CSMD1: variants seen among roughly 807,000 people sequenced by gnomAD.
CSMD1 encodes the protein CUB and Sushi multiple domains 1, also known as CUB and sushi domain-containing protein 1.
CSMD1 carries 213 observed loss-of-function variants against 417.5 expected under a neutral mutation model. The ratio of observed to expected loss-of-function variants is 0.51; its 90% confidence interval spans 0.46 to 0.57. The LOEUF (loss-of-function observed/expected upper bound fraction) is 0.57, where lower values mean the gene tolerates loss of function less well. Among genes scored for constraint, CSMD1 ranks in the 20% least tolerant of loss-of-function variants. The pLI is 0.00. For missense variants in CSMD1, 6,923 were observed against 4,529.7 expected (o/e 1.53, Z -15.17); for synonymous variants, 2,862 against 1,736.8 (o/e 1.65, Z -16.11).
intron 2 of CSMD1, among the ~76,000 whole-genome samples, chr8:4,569,243 C>T (rs1364434615): frequency 6.6e-6 from 1 of 152,114 alleles, no homozygotes; most frequent in Non-Finnish European, 1.5e-5. Context: ...AATGGTATTG[C>T]CTAGGTTTTC....
chr8:4,710,617 G>A (rs567282289), intron 1 of CSMD1, among the ~76,000 whole-genome samples: 2 of 151,406 alleles, frequency 1.3e-5, no homozygotes, highest in Non-Finnish European at 2.9e-5. Context: ...AGACTCAGAT[G>A]GGTGGATCAC....
intron 68 of CSMD1, among the ~76,000 whole-genome samples, chr8:2,949,009 A>C (rs1415086352): frequency 1.3e-5 from 2 of 151,574 alleles, no homozygotes; most frequent in Admixed American, 1.3e-4. Context: ...TTCTTTGGGT[A>C]ATATACTTTG....
At chr8:3,398,249 T>C (rs1276306054) in intron 16 of CSMD1, among the ~76,000 whole-genome samples, 4 of 152,154 alleles carry the variant, frequency 2.6e-5, no homozygotes, top group African/African-American at 4.8e-5. Flanking sequence ...GAGAAATTAG[T>C]AAGAAACCCA....
intron 5 of CSMD1, among the ~76,000 whole-genome samples, chr8:3,896,958 C>A (rs183024810): frequency 1.1e-3 from 168 of 152,070 alleles, no homozygotes; most frequent in African/African-American, 3.9e-3. Flanking sequence ...CTAATGAAAT[C>A]TGCTTAACAT....
chr8:3,500,024 T>C (rs1384696762), intron 10 of CSMD1, among the ~76,000 whole-genome samples: 1 of 152,116 alleles, frequency 6.6e-6, no homozygotes, highest in Non-Finnish European at 1.5e-5. Context: ...AAGCCCTGAA[T>C]ACAGGCATCT....
intron 5 of CSMD1, among the ~76,000 whole-genome samples, chr8:3,983,135 C>CTTTCTTTTT (rs1554506675): frequency 6.2e-4 from 83 of 133,524 alleles, no homozygotes; most frequent in South Asian, 2.3e-3. Flanking sequence ...ATCTTTCTTT[C>CTTTCTTTTT]TTTTTTTTTT....
intron 2 of CSMD1, among the ~76,000 whole-genome samples, chr8:4,590,865 A>G (rs2724985): frequency 0.62 from 94,582 of 152,150 alleles, 31,192 homozygotes; most frequent in African/African-American, 0.86. Context: ...CATAATGACT[A>G]ATCTTTACTT....
intron 3 of CSMD1, among the ~76,000 whole-genome samples, chr8:4,242,177 G>T (rs1419766547): frequency 2.0e-5 from 3 of 152,054 alleles, no homozygotes; most frequent in African/African-American, 7.2e-5. Context: ...TCTCAGAATG[G>T]TATATTAAAA....
chr8:4,501,647 C>T (rs1802263722), intron 2 of CSMD1, among the ~76,000 whole-genome samples: 1 of 152,080 alleles, frequency 6.6e-6, no homozygotes, highest in East Asian at 1.9e-4. Flanking sequence ...TAGCGCCATC[C>T]CACTCCATCC....
At chr8:3,710,956 A>C (rs537729768) in intron 6 of CSMD1, among the ~76,000 whole-genome samples, 6 of 152,266 alleles carry the variant, frequency 3.9e-5, no homozygotes, top group Admixed American at 3.9e-4. Context: ...TGAGATCCCG[A>C]AGCAATGCCG....
chr8:4,991,468 C>G (rs957742184), intron 1 of CSMD1, among the ~76,000 whole-genome samples: 5 of 152,226 alleles, frequency 3.3e-5, no homozygotes, highest in Non-Finnish European at 7.3e-5. Flanking sequence ...AGCCTCACGA[C>G]TCCGCAAACA....
intron 3 of CSMD1, among the ~76,000 whole-genome samples, chr8:4,237,192 G>C (rs1048682359): frequency 6.6e-6 from 1 of 152,108 alleles, no homozygotes; most frequent in African/African-American, 2.4e-5. Flanking sequence ...TTCCATATTT[G>C]CACCAACTTT....
chr8:4,330,745 T>C (rs953316398), intron 3 of CSMD1, among the ~76,000 whole-genome samples: 1 of 152,176 alleles, frequency 6.6e-6, no homozygotes, highest in Non-Finnish European at 1.5e-5. Context: ...TTATCTGCAT[T>C]CCTGTCTTTC....
chr8:3,337,407 G>C (rs765323029), intron 23 of CSMD1, among the ~76,000 whole-genome samples: 1 of 152,138 alleles, frequency 6.6e-6, no homozygotes, highest in Non-Finnish European at 1.5e-5. Context: ...ACCCGTGCCT[G>C]ACTCTCAGCC....
At chr8:4,350,531 T>G (rs949570155) in intron 3 of CSMD1, among the ~76,000 whole-genome samples, 2 of 152,058 alleles carry the variant, frequency 1.3e-5, no homozygotes, top group African/African-American at 2.4e-5. Flanking sequence ...CTGAAGGAGG[T>G]AGGAATGGAG....
At chr8:3,160,210 G>A (rs565037961) in intron 38 of CSMD1, among the ~76,000 whole-genome samples, 13 of 152,072 alleles carry the variant, frequency 8.5e-5, no homozygotes, top group East Asian at 1.9e-4. Flanking sequence ...TGCAACCTCC[G>A]CCTCCTGTTT....
intron 3 of CSMD1, among the ~76,000 whole-genome samples, chr8:4,338,062 A>G (rs1466916773): frequency 1.3e-5 from 2 of 152,160 alleles, no homozygotes; most frequent in Admixed American, 6.6e-5. Context: ...ATAAAGCCCC[A>G]TCATACTCTT....
At chr8:4,793,120 T>C (rs1184671623) in intron 1 of CSMD1, among the ~76,000 whole-genome samples, 1 of 152,094 alleles carries the variant, frequency 6.6e-6, no homozygotes, top group East Asian at 1.9e-4. Flanking sequence ...GTCTTAGAAA[T>C]ATAGCATAAC....
chr8:4,296,793 G>C (rs935203329), intron 3 of CSMD1, among the ~76,000 whole-genome samples: 2 of 138,970 alleles, frequency 1.4e-5, no homozygotes, highest in Non-Finnish European at 3.1e-5. Flanking sequence ...TGGTGAAAAT[G>C]AATAGAAAAT....
Sources: gnomAD v4.1 joint callset for allele counts (sites outside exome capture counted in the v4.1 genomes callset) on GRCh38, gnomAD v4.1.1 for gene constraint, MANE v1.5 for transcripts, NCBI Gene and HGNC (gene_info 2026-07-23, HGNC 2026-07-21) for gene names.